The following PLEKHG4B variants were observed in gnomAD, a reference collection of about 807,000 sequenced individuals.
The protein encoded by PLEKHG4B is pleckstrin homology and RhoGEF domain containing G4B, also known as pleckstrin homology domain-containing family G member 4B.
PLEKHG4B carries 111 observed loss-of-function variants against 121.3 expected under a neutral mutation model. The ratio of observed to expected loss-of-function variants is 0.92; its 90% CI spans 0.78 to 1.07. PLEKHG4B has a LOEUF of 1.07. Ranked by LOEUF, PLEKHG4B falls within the 50% of genes least tolerant of loss-of-function variation. The pLI is 0.00. For missense variants in PLEKHG4B, 1,831 were observed against 1,757.8 expected, an observed-to-expected ratio of 1.04 and a Z score of -0.74; for synonymous variants, 738 against 725.0, an observed-to-expected ratio of 1.02 and a Z score of -0.29.
Position 162,781 on chromosome 5 carries a change from GTGTT to G in PLEKHG4B, c.2712_2715del (p.Cys904Ter). ...CTTGTCCCTCCTCACCCGTGGCTGA[GTGTT>G]TGAGGAGCTGTCACCAGGAGGCTAC... On this transcript the variant is annotated frameshift_variant, in exon 13 of 20. Coordinates refer to ENST00000637938, the MANE Select transcript of PLEKHG4B (RefSeq NM_052909.5). LOFTEE classifies it high-confidence loss of function. 6.7e-7 allele frequency: 1 copy of G among 1,487,426 alleles called. No homozygotes were observed. The highest frequency in any genetic ancestry group is 8.9e-7 in the Non-Finnish European group (1 of 1,121,164). 92.1% of individuals were successfully genotyped at this position (1,487,426 alleles called of 1,614,324 possible).
intron 16 of PLEKHG4B, 37 bp downstream of exon 16, chr5:171,481 G>C (rs370448180): frequency 7.2e-6 from 11 of 1,527,798 alleles, no homozygotes; most frequent in African/African-American, 4.1e-5. Context: ...AGGCAAGCTG[G>C]GGGAATTTGA....
intron 1 of PLEKHG4B, among the ~76,000 whole-genome samples, chr5:93,294 G>A (rs1733527128): frequency 6.6e-6 from 1 of 152,110 alleles, no homozygotes; most frequent in African/African-American, 2.4e-5. Context: ...ATGTAATGTG[G>A]ACAAAGGTGA....
intron 8 of PLEKHG4B, 53 bp from the exon 9 acceptor site, chr5:155,292 T>C (rs1735737704): frequency 4.1e-6 from 6 of 1,476,344 alleles, no homozygotes; most frequent in Admixed American, 1.7e-5. Context: ...CTGCTTACTT[T>C]AGCATTTAAC....
Position 164,478 on chromosome 5 carries a change from A to AGCTCACACTAATGCTGTGACAGGGGGCG in PLEKHG4B, c.3476+931_3476+932insCTCACACTAATGCTGTGACAGGGGGCGG, listed in dbSNP as rs1560944518. 3.3e-4 allele frequency among the ~76,000 whole-genome samples: 36 copies of AGCTCACACTAATGCTGTGACAGGGGGCG among 108,938 alleles called. 2 individuals carry two copies. Among genetic ancestry groups the AGCTCACACTAATGCTGTGACAGGGGGCG allele is most frequent in the Middle Eastern group, 9.6e-3 (2 of 208 alleles). The allele number at this position is 108,938 out of a possible 152,430, so 71.5% of individuals were successfully genotyped here. A position where few individuals can be genotyped will look rare whatever the true frequency, so the allele number is the denominator to read the frequency against. On this transcript the variant is annotated intron_variant, in intron 13 of 19. Coordinates refer to ENST00000637938, the MANE Select transcript of PLEKHG4B (RefSeq NM_052909.5). ...GCTCACAGTAATGTTGTGACGGAGC[A>AGCTCACACTAATGCTGTGACAGGGGGCG]GAGCTCACACTAATGCTCTGACAGG...
rs1057479255 is a variant in PLEKHG4B at position 189,133 on chromosome 5, T to TA, written c.*6811dup. 1 of 152,400 alleles carries TA rather than the reference T, an allele frequency of 6.6e-6. No homozygotes were observed. Among genetic ancestry groups the TA allele is most frequent in the African/African-American group, 2.4e-5 (1 of 41,480 alleles). 9.4% of individuals were successfully genotyped at this position (152,400 alleles called of 1,614,324 possible). On this transcript the variant is annotated 3_prime_UTR_variant, in exon 20 of 20. Transcript: ENST00000637938. Reference sequence around the variant, plus strand: ...GTCGCCCATAATGGGCCCTGCCCCCTAGGCCTGGCCTCTTTTGCTTTCCTC... The same window carrying TA: ...GTCGCCCATAATGGGCCCTGCCCCCTAAGGCCTGGCCTCTTTTGCTTTCCTC...
At chr5:110,015 A>C (rs1734091318) in intron 1 of PLEKHG4B, among the ~76,000 whole-genome samples, 1 of 151,224 alleles carries the variant, frequency 6.6e-6, no homozygotes, top group East Asian at 2.0e-4. Flanking sequence ...CAAAATCTGT[A>C]ACACACGTGC....
In PLEKHG4B at chr5:139,821, C is replaced by T. The variant is rs546163021; in HGVS notation, c.582C>T (p.Asp194=). The T allele has an allele frequency of 2.3e-5, 9 of 398,808 alleles. No homozygotes were observed. The highest frequency in any genetic ancestry group is 3.1e-5 in the Non-Finnish European group (7 of 226,272). The allele number at this position is 398,808 out of a possible 1,614,324, so 24.7% of individuals were successfully genotyped here. A position where few individuals can be genotyped will look rare whatever the true frequency, so the allele number is the denominator to read the frequency against. ...GLAVHRAPWS[D]VTDPVFVPSP... ...CCGTCCACCGAGCCCCGTGGAGCGA[C>T]GTCACTGACCCTGTCTTTGTCCCCA... The change falls in exon 3 of 20, where the codon GAC becomes GAT. Residue 194 remains aspartate (D), a synonymous_variant. Coordinates refer to ENST00000637938, the MANE Select transcript of PLEKHG4B (RefSeq NM_052909.5). The surrounding 1 kb of genome is among the most constrained non-coding windows in gnomAD (Gnocchi z 5.0).
intron 14 of PLEKHG4B, among the ~76,000 whole-genome samples, chr5:170,817 C>T (rs1409797600): frequency 6.6e-6 from 1 of 152,132 alleles, no homozygotes; most frequent in Admixed American, 6.5e-5. Flanking sequence ...GAATTCTCAG[C>T]ATTGAGGCTT....
intron 1 of PLEKHG4B, among the ~76,000 whole-genome samples, chr5:101,685 G>A (rs1298927177): frequency 1.5e-5 from 2 of 136,904 alleles, no homozygotes; most frequent in Non-Finnish European, 3.1e-5. Context: ...GGGAGAGACT[G>A]TTGTGAGGTA....
At chr5:173,593 C>CA (rs1736643103) in intron 17 of PLEKHG4B, among the ~76,000 whole-genome samples, 1 of 151,762 alleles carries the variant, frequency 6.6e-6, no homozygotes, top group East Asian at 1.9e-4. Flanking sequence ...CTCCCTTGCA[C>CA]ACTGTTAAGC....
At position 140,734 on chromosome 5, in the gene PLEKHG4B, C is replaced by T. The variant is rs200781104; in HGVS notation, c.1477+18C>T. 3.6e-4 allele frequency: 546 copies of T among 1,533,264 alleles called. 2 individuals carry two copies. In the African/African-American group the frequency reaches 6.7e-3, roughly 19 times the overall value. 95.0% of individuals were successfully genotyped at this position (1,533,264 alleles called of 1,614,324 possible). A position where few individuals can be genotyped will look rare whatever the true frequency, so the allele number is the denominator to read the frequency against. ...AGAGGAAGGTAAATGCTCCCCACGC[C>T]CTCCCCTGCGCACCCCCACAACCTC... On this transcript the variant is annotated intron_variant, in intron 3 of 19. Transcript: ENST00000637938.
intron 2 of PLEKHG4B, among the ~76,000 whole-genome samples, chr5:117,624 G>T (rs1055264189): frequency 6.6e-6 from 1 of 152,182 alleles, no homozygotes; most frequent in Non-Finnish European, 1.5e-5. Context: ...AGGCCGAGGA[G>T]GGTGGATCAC....
At chr5:153,651 A>C (rs565681744) in intron 7 of PLEKHG4B, among the ~76,000 whole-genome samples, 12 of 152,188 alleles carry the variant, frequency 7.9e-5, no homozygotes, top group Non-Finnish European at 1.2e-4. Flanking sequence ...TTCAGGCAAG[A>C]AAGATGCCCA....
At chr5:175,454 C>T (rs569359340) in intron 18 of PLEKHG4B, among the ~76,000 whole-genome samples, 90 of 152,292 alleles carry the variant, frequency 5.9e-4, no homozygotes, top group African/African-American at 2.0e-3. Context: ...AGGTCCTGCC[C>T]CAGCACCTCA....
Position 171,450 on chromosome 5 carries a change from T to C in PLEKHG4B, c.4050+6T>C. The C allele has an allele frequency of 6.3e-7, 1 of 1,580,446 alleles. No homozygotes were observed. The highest frequency in any genetic ancestry group is 8.6e-7 in the Non-Finnish European group (1 of 1,164,476). ...ACGCCATCCGCGGCTGTGACGTAAG[T>C]GCCTCAGACGCTGGCAGCTCAGGCA... On this transcript the variant is annotated splice_donor_region_variant and intron_variant, in intron 16 of 19. Transcript: ENST00000637938.
chr5:151,761 C>T (rs1002876903), intron 7 of PLEKHG4B, among the ~76,000 whole-genome samples, 162 bp downstream of exon 7: 1 of 152,198 alleles, frequency 6.6e-6, no homozygotes, highest in Non-Finnish European at 1.5e-5. Context: ...AGGAGTCCTG[C>T]AGAGTATGCC....
At chr5:138,429 C>T (rs1234325125) in intron 2 of PLEKHG4B, among the ~76,000 whole-genome samples, 1 of 152,130 alleles carries the variant, frequency 6.6e-6, no homozygotes, top group African/African-American at 2.4e-5. Flanking sequence ...TTTTACATTC[C>T]GAGAGTTGAA....
intron 13 of PLEKHG4B, among the ~76,000 whole-genome samples, chr5:166,880 T>C (rs1736371355): frequency 6.6e-6 from 1 of 152,228 alleles, no homozygotes; most frequent in Non-Finnish European, 1.5e-5. Flanking sequence ...TTCTGGTTTT[T>C]ACCATTGGTG....
At chr5:107,004 C>T (rs1733993854) in intron 1 of PLEKHG4B, among the ~76,000 whole-genome samples, 1 of 152,264 alleles carries the variant, frequency 6.6e-6, no homozygotes, top group Non-Finnish European at 1.5e-5. Flanking sequence ...CCCGGCAAGG[C>T]CTGCTCAGTG....
Sources: allele counts gnomAD v4.1 joint callset (sites outside exome capture counted in the v4.1 genomes callset), GRCh38; gene constraint gnomAD v4.1.1; non-coding constraint Gnocchi (gnomAD v3.1); transcripts MANE v1.5; gene names NCBI Gene and HGNC (gene_info 2026-07-23, HGNC 2026-07-21).